The following SGCD variants were observed in gnomAD, a reference collection of about 807,000 sequenced individuals.
SGCD encodes the protein sarcoglycan delta, also known as delta-sarcoglycan.
SGCD carries 18 observed loss-of-function variants against 36.6 expected under a neutral mutation model. That is an observed-to-expected ratio of 0.49 (90% CI 0.34 to 0.73). The LOEUF (loss-of-function observed/expected upper bound fraction) is 0.73, where lower values mean the gene tolerates loss of function less well. Among genes scored for constraint, SGCD ranks in the 30% least tolerant of loss-of-function variants. The probability of loss-of-function intolerance (pLI) is 0.01; values close to 1 mark genes in which losing one functional copy is unlikely to be tolerated. For synonymous variants in SGCD, 133 were observed against 130.6 expected, an observed-to-expected ratio of 1.02 and a Z score of -0.12; for missense variants, 387 against 346.7, an observed-to-expected ratio of 1.12 and a Z score of -0.92.
intron 1 of SGCD, among the ~76,000 whole-genome samples, chr5:156,072,076 C>G (rs574506157): frequency 1.3e-5 from 2 of 152,250 alleles, no homozygotes; most frequent in East Asian, 3.9e-4. Flanking sequence ...GGTCTTGACT[C>G]TTTATCCAAT....
At chr5:156,529,167 C>A (rs1237265775) in intron 4 of SGCD, among the ~76,000 whole-genome samples, 2 of 152,002 alleles carry the variant, frequency 1.3e-5, no homozygotes, top group African/African-American at 4.8e-5. Flanking sequence ...CAGCTCACGT[C>A]TGTAATCCCA....
chr5:155,830,116 C>A, the SGCD span, among the ~76,000 whole-genome samples: 1 of 152,144 alleles, frequency 6.6e-6, no homozygotes, highest in Non-Finnish European at 1.5e-5. Flanking sequence ...TTTCTGTTTT[C>A]CAGGGAATTA....
intron 4 of SGCD, among the ~76,000 whole-genome samples, chr5:156,536,926 C>T (rs980908324): frequency 6.6e-6 from 1 of 152,112 alleles, no homozygotes; most frequent in Non-Finnish European, 1.5e-5. Flanking sequence ...TTTCCATAGT[C>T]CTAGACCCTA....
At chr5:156,288,621 A>G (rs1766677940) in intron 3 of SGCD, among the ~76,000 whole-genome samples, 1 of 152,232 alleles carries the variant, frequency 6.6e-6, no homozygotes, top group South Asian at 2.1e-4. Flanking sequence ...TAGTGGTTTC[A>G]TGGGACTGAA....
At chr5:156,260,011 A>G (rs962350980) in intron 3 of SGCD, among the ~76,000 whole-genome samples, 21 of 152,216 alleles carry the variant, frequency 1.4e-4, no homozygotes, top group African/African-American at 5.1e-4. Flanking sequence ...TAGCAACACA[A>G]AATGAATTAA....
At chr5:156,384,655 C>A (rs769386437) in intron 3 of SGCD, among the ~76,000 whole-genome samples, 4 of 141,234 alleles carry the variant, frequency 2.8e-5, no homozygotes, top group Non-Finnish European at 4.5e-5. Context: ...AAAAACATCT[C>A]AAAAAGATGT....
chr5:156,059,644 T>C (rs1760153779), intron 1 of SGCD, among the ~76,000 whole-genome samples: 1 of 146,406 alleles, frequency 6.8e-6, no homozygotes, highest in South Asian at 2.2e-4. Flanking sequence ...GTGACTTAGC[T>C]GCTACCTGGC....
intron 7 of SGCD, among the ~76,000 whole-genome samples, chr5:156,676,765 G>A (rs1168862002): frequency 6.6e-6 from 1 of 152,202 alleles, no homozygotes; most frequent in Non-Finnish European, 1.5e-5. Context: ...TCAGCTGAAT[G>A]GGTGAACTCT....
intron 3 of SGCD, among the ~76,000 whole-genome samples, chr5:156,300,348 A>C (rs534934324): frequency 6.6e-6 from 1 of 151,810 alleles, no homozygotes. Flanking sequence ...AAATTTTTCA[A>C]TTTCCCTCTA....
At chr5:156,257,066 G>C (rs900261872) in intron 3 of SGCD, among the ~76,000 whole-genome samples, 2 of 151,970 alleles carry the variant, frequency 1.3e-5, no homozygotes, top group Non-Finnish European at 2.9e-5. Context: ...TATGGTCCTA[G>C]CTACTCAGGA....
At chr5:156,339,874 T>C (rs1580842893) in intron 2 of SGCD, among the ~76,000 whole-genome samples, 1 of 152,222 alleles carries the variant, frequency 6.6e-6, no homozygotes, top group Non-Finnish European at 1.5e-5. Flanking sequence ...TTGCTAATAA[T>C]TAACTGCCTC....
chr5:156,247,634 A>T (rs1765471905), intron 3 of SGCD, among the ~76,000 whole-genome samples: 1 of 152,190 alleles, frequency 6.6e-6, no homozygotes, highest in South Asian at 2.1e-4. Context: ...AGAAATCAAA[A>T]GGATGTTTAG....
At chr5:155,782,842 C>A in the SGCD span, among the ~76,000 whole-genome samples, 1 of 152,160 alleles carries the variant, frequency 6.6e-6, no homozygotes, top group Non-Finnish European at 1.5e-5. Flanking sequence ...TGGAACAGTT[C>A]ATCACCAAAC....
At chr5:155,770,779 G>A in the SGCD span, among the ~76,000 whole-genome samples, 1 of 152,046 alleles carries the variant, frequency 6.6e-6, no homozygotes, top group African/African-American at 2.4e-5. Context: ...ATGTCAGCAT[G>A]GTATGAATTT....
chr5:156,383,273 G>A (rs1466031209), intron 3 of SGCD, among the ~76,000 whole-genome samples: 1 of 152,120 alleles, frequency 6.6e-6, no homozygotes, highest in Non-Finnish European at 1.5e-5. Flanking sequence ...GGAGGCCGAG[G>A]CAGGCAGATC....
At chr5:155,956,580 T>C (rs916142513) in intron 1 of SGCD, among the ~76,000 whole-genome samples, 5 of 152,104 alleles carry the variant, frequency 3.3e-5, no homozygotes, top group Admixed American at 6.5e-5. Context: ...GCAACACAAA[T>C]TTATTCTTCC....
chr5:156,426,596 G>A (rs531349785), intron 3 of SGCD, among the ~76,000 whole-genome samples: 8 of 152,058 alleles, frequency 5.3e-5, no homozygotes, highest in Non-Finnish European at 8.8e-5. Flanking sequence ...TTTGGTTTTT[G>A]TTGTATTTCT....
At chr5:156,486,028 A>T (rs1258315365) in intron 3 of SGCD, among the ~76,000 whole-genome samples, 1 of 152,078 alleles carries the variant, frequency 6.6e-6, no homozygotes, top group Non-Finnish European at 1.5e-5. Flanking sequence ...CCAGAGAGGG[A>T]GTCCACACTA....
At chr5:155,798,211 G>C in the SGCD span, among the ~76,000 whole-genome samples, 2 of 151,970 alleles carry the variant, frequency 1.3e-5, 1 homozygote, top group Non-Finnish European at 2.9e-5. Flanking sequence ...CTTCATTTTT[G>C]TTATGTTGAT....
Sources: gnomAD v4.1 joint callset for allele counts (sites outside exome capture counted in the v4.1 genomes callset) on GRCh38, gnomAD v4.1.1 for gene constraint, MANE v1.5 for transcripts, NCBI Gene and HGNC (gene_info 2026-07-23, HGNC 2026-07-21) for gene names.